The following ALKBH6 variants were observed in gnomAD, a reference collection of about 807,000 sequenced individuals.
ALKBH6 encodes the protein alkB homolog 6, nucleotide demethylase.
Under a neutral mutation model 25.1 loss-of-function variants are expected in ALKBH6, and 20 were observed. That is an observed-to-expected ratio of 0.80 (90% CI 0.56 to 1.16). ALKBH6 has a LOEUF of 1.16. Ranked by LOEUF, ALKBH6 falls within the 50% of genes most tolerant of loss-of-function variation. ALKBH6 has a pLI of 0.00. For missense variants in ALKBH6, 263 were observed against 326.5 expected, an observed-to-expected ratio of 0.81 and a Z score of 1.50; for synonymous variants, 156 against 147.5, an observed-to-expected ratio of 1.06 and a Z score of -0.42.
chr19:36,010,487 G>C lies in ALKBH6; in HGVS notation c.453+80C>G. 8.0e-7 allele frequency: 1 copy of C among 1,247,672 alleles called. No individual in the cohort carries two copies. Among genetic ancestry groups the C allele is most frequent in the Non-Finnish European group, 1.2e-6 (1 of 862,638 alleles). The allele number at this position is 1,247,672 out of a possible 1,614,324, so 77.3% of individuals were successfully genotyped here. A position where few individuals can be genotyped will look rare whatever the true frequency, so the allele number is the denominator to read the frequency against. ...GGAGAGTGCCAGGAGTACCCCGAAG[G>C]CATGTGGGACCAGGTCATCTTGGAG... On this transcript the variant is annotated intron_variant, in intron 6 of 6. Transcript: ENST00000378875. This position sits in a 1 kb window ranked among gnomAD's most constrained non-coding sequence, Gnocchi z 5.5.
rs765019035 is a variant in ALKBH6, at chr19:36,011,386, C to T, written c.184+18G>A. The T allele has an allele frequency of 5.0e-6, 8 of 1,611,574 alleles. 1 individual carries two copies. Among genetic ancestry groups the T allele is most frequent in the South Asian group, 3.3e-5 (3 of 90,610 alleles). ...CTACATCCCAGAATCACTCCTGCCC[C>T]CAGCCAGGGATACTTACCCCAGTTC... On this transcript the variant is annotated intron_variant, in intron 4 of 6. Transcript: ENST00000378875.
In ALKBH6 at chr19:36,013,649, A is replaced by G; in HGVS notation, c.-25-227T>C. On this transcript the variant is annotated intron_variant, in intron 1 of 6. Transcript: ENST00000378875. The surrounding 1 kb of genome is among the most constrained non-coding windows in gnomAD (Gnocchi z 4.6). ...ATAATCCCCCATTACTCTGTCCACT[A>G]AGGGCCCATCCAACTACACATATGC... 1 of 1,370,514 alleles carries G rather than the reference A, an allele frequency of 7.3e-7. No homozygotes were observed. The highest frequency in any genetic ancestry group is 9.4e-7 in the Non-Finnish European group (1 of 1,059,078). The allele number at this position is 1,370,514 out of a possible 1,614,324, so 84.9% of individuals were successfully genotyped here.
intron 4 of ALKBH6, 82 bp downstream of exon 4, chr19:36,011,322 A>G: frequency 4.6e-6 from 7 of 1,526,394 alleles, no homozygotes; most frequent in Non-Finnish European, 6.3e-6. Flanking sequence ...GGACCCTCTG[A>G]TGTCTTAAGT....
Position 36,010,985 on chromosome 19 carries a change from T to C in ALKBH6, c.245A>G (p.Tyr82Cys), listed in dbSNP as rs749790191. Residue 82 changes from tyrosine (Y) to cysteine (C), a missense_variant, in exon 5 of 7, where the codon TAC (tyrosine) becomes TGC (cysteine). By Grantham distance (194) the Tyr-to-Cys change is radical (BLOSUM62 -2). Coordinates refer to ENST00000378875, the MANE Select transcript of ALKBH6 (RefSeq NM_032878.5). The surrounding 1 kb of genome is among the most constrained non-coding windows in gnomAD (Gnocchi z 5.5). ...PERLPPWLQR[Y>C]VDKVSNLSLF... Reference sequence around the variant, plus strand: ...GCTGAGGTTTGACACTTTGTCCACGTAGCGCTGGAGCCATGGGGGCAGCCG... The same window carrying C: ...GCTGAGGTTTGACACTTTGTCCACGCAGCGCTGGAGCCATGGGGGCAGCCG... 2.5e-6 allele frequency: 4 copies of C among 1,613,906 alleles called. No homozygotes were observed. In the South Asian group the frequency reaches 3.3e-5, roughly 13 times the overall value.
intron 4 of ALKBH6, 57 bp from the exon 5 acceptor site, chr19:36,011,102 G>A (rs1186015463): frequency 6.5e-7 from 1 of 1,546,032 alleles, no homozygotes; most frequent in African/African-American, 1.4e-5. Context: ...CCCCCATTAG[G>A]GATTCCACAG....
In ALKBH6 at chr19:36,010,829, G is replaced by C; in HGVS notation, c.336+65C>G. 1 of 1,602,698 alleles carries C rather than the reference G, an allele frequency of 6.2e-7. No individual in the cohort carries two copies. On this transcript the variant is annotated intron_variant, in intron 5 of 6. Transcript: ENST00000378875. This position sits in a 1 kb window ranked among gnomAD's most constrained non-coding sequence, Gnocchi z 5.5. ...CCTAATGAGTGAGGGTGGGTACAGA[G>C]TCCCCTGCCCCAGCACAGCTCAGAA...
In ALKBH6 at chr19:36,013,462, C is replaced by T; in HGVS notation, c.-25-40G>A. 6.2e-7 allele frequency: 1 copy of T among 1,611,530 alleles called. No homozygotes were observed. Among genetic ancestry groups the T allele is most frequent in the South Asian group, 1.1e-5 (1 of 90,852 alleles). ...GGACATACTGAAGTCACTAGGCCTC[C>T]CGCCCTAACACCATGATGCAGCATT... On this transcript the variant is annotated intron_variant, in intron 1 of 6. Transcript: ENST00000378875. This position sits in a 1 kb window ranked among gnomAD's most constrained non-coding sequence, Gnocchi z 4.6.
chr19:36,011,148 G>T, intron 4 of ALKBH6, 103 bp from the exon 5 acceptor site: 1 of 1,468,978 alleles, frequency 6.8e-7, no homozygotes, highest in South Asian at 1.3e-5. Flanking sequence ...AGGGACCCCT[G>T]ACCGTTTGGA....
In ALKBH6 at chr19:36,011,181, G is replaced by A. The variant is rs183932910; in HGVS notation, c.185-136C>T. The A allele has an allele frequency of 1.2e-3, 1,585 of 1,289,664 alleles. 9 individuals carry two copies. Among genetic ancestry groups the A allele is most frequent in the South Asian group, 9.8e-3 (674 of 68,546 alleles). 79.9% of individuals were successfully genotyped at this position (1,289,664 alleles called of 1,614,324 possible). A position where few individuals can be genotyped will look rare whatever the true frequency, so the allele number is the denominator to read the frequency against. On this transcript the variant is annotated intron_variant, in intron 4 of 6. Coordinates refer to ENST00000378875, the MANE Select transcript of ALKBH6 (RefSeq NM_032878.5). ...GGAGATAGCCACTGGGTCCTTCAGA[G>A]GTTTCCTCACTTCTCCAGACCACAG...
rs1489383620 is a variant in ALKBH6, at chr19:36,013,281, C to T, written c.54+63G>A. 1.3e-6 allele frequency: 2 copies of T among 1,599,938 alleles called. No homozygotes were observed. The highest frequency in any genetic ancestry group is 1.7e-6 in the Non-Finnish European group (2 of 1,168,174). ...ATGAATTTGGTGGAAGGGGGCAGTC[C>T]CAACCCAAGAACTCAGGAATCAGCC... On this transcript the variant is annotated intron_variant, in intron 2 of 6. Coordinates refer to ENST00000378875, the MANE Select transcript of ALKBH6 (RefSeq NM_032878.5). This position sits in a 1 kb window ranked among gnomAD's most constrained non-coding sequence, Gnocchi z 4.6.
chr19:36,010,633 C>G lies in ALKBH6; in HGVS notation c.387G>C (p.Leu129=). 1 of 1,613,964 alleles carries G rather than the reference C, an allele frequency of 6.2e-7. No homozygotes were observed. The highest frequency in any genetic ancestry group is 1.7e-4 in the Middle Eastern group (1 of 6,058). Residue 129 remains leucine (L), a synonymous_variant, in exon 6 of 7, where the codon CTG becomes CTC. Transcript: ENST00000378875. This position sits in a 1 kb window ranked among gnomAD's most constrained non-coding sequence, Gnocchi z 5.5. ...LYYPTVSTIS[L]GSHTVLDFYE... ...AGAAGTCCAGCACGGTGTGGGAGCC[C>G]AGGCTGATGGTGCTGACAGTCGGGT...
At position 36,013,401 on chromosome 19, in the gene ALKBH6, C is replaced by A. The variant is rs1181319003; in HGVS notation, c.-4G>T. On this transcript the variant is annotated 5_prime_UTR_variant, in exon 2 of 7. Coordinates refer to ENST00000378875, the MANE Select transcript of ALKBH6 (RefSeq NM_032878.5). This position sits in a 1 kb window ranked among gnomAD's most constrained non-coding sequence, Gnocchi z 4.6. ...CTCTGGCGTCCTGCTCCTCCATCAA[C>A]ACCAACTCCTTGCACCCAATCCTGT... 1.2e-6 allele frequency: 2 copies of A among 1,613,872 alleles called. No individual in the cohort carries two copies. The highest frequency in any genetic ancestry group is 1.7e-6 in the Non-Finnish European group (2 of 1,179,962).
chr19:36,011,097 AT>A, intron 4 of ALKBH6, 52 bp from the exon 5 acceptor site: 1 of 1,550,298 alleles, frequency 6.5e-7, no homozygotes, highest in Non-Finnish European at 8.7e-7. Context: ...TAGATCCCCC[AT>A]TAGGGATTCC....
chr19:36,013,206 T>C lies in ALKBH6; in HGVS notation c.55-117A>G, dbSNP rs1968665420. 4 of 1,450,170 alleles carry C rather than the reference T, an allele frequency of 2.8e-6. No individual in the cohort carries two copies. Among genetic ancestry groups the C allele is most frequent in the Non-Finnish European group, 9.6e-7 (1 of 1,037,772 alleles). The allele number at this position is 1,450,170 out of a possible 1,614,324, so 89.8% of individuals were successfully genotyped here. ...CAGGATGTCCTCAGACAGGTCAGGG[T>C]CTAAAGTCAAGGGACCAGTGCCATT... On this transcript the variant is annotated intron_variant, in intron 2 of 6. Coordinates refer to ENST00000378875, the MANE Select transcript of ALKBH6 (RefSeq NM_032878.5). The surrounding 1 kb of genome is among the most constrained non-coding windows in gnomAD (Gnocchi z 4.6).
Position 36,011,447 on chromosome 19 carries a change from C to G in ALKBH6, c.141G>C (p.Lys47Asn). ...YLLRQVFNAPKPKWTQLSGRK... is the reference protein window; with the variant it reads ...YLLRQVFNAPNPKWTQLSGRK... ...TCCCAGAGAGCTGGGTCCACTTTGG[C>G]TTTGGGGCATTAAAAACCTAAGAGG... Residue 47 changes from lysine to asparagine, a missense_variant, in exon 4 of 7, where the codon AAG (lysine) becomes AAC (asparagine). By Grantham distance (94) the Lys-to-Asn change is moderately conservative. Around this residue, in one of 3 missense-constraint regions of ALKBH6, gnomAD observed 112 missense variants for 153.0 expected, o/e 0.73. Coordinates refer to ENST00000378875, the MANE Select transcript of ALKBH6 (RefSeq NM_032878.5). 6.2e-7 allele frequency: 1 copy of G among 1,613,720 alleles called. No individual in the cohort carries two copies. Among genetic ancestry groups the G allele is most frequent in the Non-Finnish European group, 8.5e-7 (1 of 1,179,990 alleles).
chr19:36,013,838 AC>A lies in ALKBH6; in HGVS notation c.-26+336del. The A allele has an allele frequency of 7.8e-7, 1 of 1,274,758 alleles. No homozygotes were observed. Among genetic ancestry groups the A allele is most frequent in the Non-Finnish European group, 9.9e-7 (1 of 1,010,962 alleles). The allele number at this position is 1,274,758 out of a possible 1,614,324, so 79.0% of individuals were successfully genotyped here. ...TGAGCCCGGCTATCAACACTCAGCG[AC>A]CCCCGCCCCCCACCGAATCCCATTC... On this transcript the variant is annotated intron_variant, in intron 1 of 6. Coordinates refer to ENST00000378875, the MANE Select transcript of ALKBH6 (RefSeq NM_032878.5). The surrounding 1 kb of genome is among the most constrained non-coding windows in gnomAD (Gnocchi z 4.6).
chr19:36,013,468 TA>T lies in ALKBH6; in HGVS notation c.-25-47del, dbSNP rs1393608369. On this transcript the variant is annotated intron_variant, in intron 1 of 6. Coordinates refer to ENST00000378875, the MANE Select transcript of ALKBH6 (RefSeq NM_032878.5). This position sits in a 1 kb window ranked among gnomAD's most constrained non-coding sequence, Gnocchi z 4.6. ...ACTGAAGTCACTAGGCCTCCCGCCCTAACACCATGATGCAGCATTCCACCCC... is the reference window on the plus strand; with the variant it reads ...ACTGAAGTCACTAGGCCTCCCGCCCTACACCATGATGCAGCATTCCACCCC... The T allele has an allele frequency of 6.2e-7, 1 of 1,610,158 alleles. No homozygotes were observed. Among genetic ancestry groups the T allele is most frequent in the South Asian group, 1.1e-5 (1 of 90,706 alleles).
rs780079368 is a variant in ALKBH6, at chr19:36,009,508, G to A, written c.499C>T (p.Arg167Cys). Reference sequence around the variant, plus strand: ...GGGCCGCGGAGCACCAGCAGGCTGCGCGGTTCCAGCAGTAGCGAGGTGGTG... The same window carrying A: ...GGGCCGCGGAGCACCAGCAGGCTGCACGGTTCCAGCAGTAGCGAGGTGGTG... ...RPTTSLLLEP[R>C]SLLVLRGPAY... Residue 167 changes from arginine to cysteine, a missense_variant, in exon 7 of 7, where the codon CGC (arginine) becomes TGC (cysteine). This residue lies in a region of ALKBH6 where 148 missense variants were observed against 157.5 expected (regional missense o/e 0.94). Coordinates refer to ENST00000378875, the MANE Select transcript of ALKBH6 (RefSeq NM_032878.5). 8.8e-6 allele frequency: 11 copies of A among 1,254,230 alleles called. No individual in the cohort carries two copies. In the Admixed American group the frequency reaches 1.9e-4, roughly 22 times the overall value. The allele number at this position is 1,254,230 out of a possible 1,614,324, so 77.7% of individuals were successfully genotyped here. A position where few individuals can be genotyped will look rare whatever the true frequency, so the allele number is the denominator to read the frequency against.
chr19:36,010,669 T>C lies in ALKBH6; in HGVS notation c.351A>G (p.Gly117=). ...PGEGIMPHED[G]PLYYPTVSTI... ...TGCTGACAGTCGGGTAGTACAGTGG[T>C]CCGTCCTCGTGGGGCTAGGGAGTGG... The change falls in exon 6 of 7, where the codon GGA becomes GGG. Residue 117 remains glycine, a synonymous_variant. Transcript: ENST00000378875. This position sits in a 1 kb window ranked among gnomAD's most constrained non-coding sequence, Gnocchi z 5.5. The C allele has an allele frequency of 6.2e-7, 1 of 1,613,830 alleles. No individual in the cohort carries two copies. Among genetic ancestry groups the C allele is most frequent in the South Asian group, 1.1e-5 (1 of 91,076 alleles).
Sources: allele counts gnomAD v4.1 joint callset, GRCh38; gene constraint gnomAD v4.1.1; regional missense constraint gnomAD v4.1.1; non-coding constraint Gnocchi (gnomAD v3.1); transcripts MANE v1.5; gene names NCBI Gene and HGNC (gene_info 2026-07-23, HGNC 2026-07-21).